GRIK2: variants seen among roughly 807,000 people sequenced by gnomAD.
The protein encoded by GRIK2 is glutamate ionotropic receptor kainate type subunit 2.
GRIK2 carries 32 observed loss-of-function variants against 100.3 expected under a neutral mutation model. The ratio of observed to expected loss-of-function variants is 0.32; its 90% CI spans 0.24 to 0.43. The LOEUF is 0.43. GRIK2 is among the 20% of genes least tolerant of loss of function. The pLI is 1.00. For missense variants in GRIK2, 843 were observed against 1,114.9 expected, an observed-to-expected ratio of 0.76 and a Z score of 3.47; for synonymous variants, 417 against 389.4, an observed-to-expected ratio of 1.07 and a Z score of -0.83.
At chr6:101,832,126 A>G (rs1297853687) in intron 10 of GRIK2, among the ~76,000 whole-genome samples, 1 of 152,084 alleles carries the variant, frequency 6.6e-6, no homozygotes, top group Non-Finnish European at 1.5e-5. Context: ...TAAAGGAATC[A>G]TTTACAAATA....
At chr6:101,542,737 A>G (rs1441114918) in intron 2 of GRIK2, among the ~76,000 whole-genome samples, 1 of 152,236 alleles carries the variant, frequency 6.6e-6, no homozygotes, top group Non-Finnish European at 1.5e-5. Flanking sequence ...TGAGCGTGTA[A>G]GTGATGTCAC....
chr6:101,539,940 A>C (rs757128925), intron 2 of GRIK2, among the ~76,000 whole-genome samples: 1 of 151,856 alleles, frequency 6.6e-6, no homozygotes, highest in Non-Finnish European at 1.5e-5. Flanking sequence ...AAGTTCTTTA[A>C]GATTCATCGA....
chr6:101,778,526 G>A (rs1778886133), intron 7 of GRIK2, among the ~76,000 whole-genome samples: 1 of 152,074 alleles, frequency 6.6e-6, no homozygotes, highest in African/African-American at 2.4e-5. Flanking sequence ...ACCGTGCTTG[G>A]TACAACAGAC....
chr6:101,792,576 C>A (rs577402240), intron 7 of GRIK2, among the ~76,000 whole-genome samples: 2 of 151,900 alleles, frequency 1.3e-5, no homozygotes, highest in African/African-American at 2.4e-5. Flanking sequence ...CCGAGAGATC[C>A]GCTGTTAGTC....
At chr6:101,502,316 G>GAT (rs745986986) in intron 2 of GRIK2, among the ~76,000 whole-genome samples, 62 of 151,914 alleles carry the variant, frequency 4.1e-4, no homozygotes, top group African/African-American at 8.9e-4. Context: ...GGTACAAAAA[G>GAT]ATATATATAT....
intron 14 of GRIK2, among the ~76,000 whole-genome samples, chr6:101,991,286 G>T (rs1434952564): frequency 6.6e-6 from 1 of 151,346 alleles, no homozygotes; most frequent in Non-Finnish European, 1.5e-5. Context: ...TTTCAGAAGT[G>T]AGGAAATTTA....
At chr6:101,898,587 T>TTTA (rs1393559018) in intron 12 of GRIK2, among the ~76,000 whole-genome samples, 15 of 151,952 alleles carry the variant, frequency 9.9e-5, no homozygotes, top group African/African-American at 3.1e-4. Context: ...ACAGGAGACA[T>TTTA]TAGCAACCAA....
chr6:101,541,213 A>T (rs1397892135), intron 2 of GRIK2, among the ~76,000 whole-genome samples: 2 of 152,040 alleles, frequency 1.3e-5, no homozygotes, highest in Non-Finnish European at 2.9e-5. Flanking sequence ...TTAGAAAGGA[A>T]GTTGGTAGGA....
At chr6:101,815,142 G>C (rs888827140) in intron 9 of GRIK2, among the ~76,000 whole-genome samples, 1 of 152,080 alleles carries the variant, frequency 6.6e-6, no homozygotes, top group South Asian at 2.1e-4. Context: ...TTAACAACAA[G>C]GCTATGATGG....
chr6:101,504,384 C>T (rs1478773377), intron 2 of GRIK2, among the ~76,000 whole-genome samples: 2 of 151,814 alleles, frequency 1.3e-5, no homozygotes, highest in Non-Finnish European at 2.9e-5. Context: ...ATAGGAAAGT[C>T]AGAAAAATGC....
In GRIK2 at chr6:101,609,491, G is replaced by C. The variant is rs575616526; in HGVS notation, c.116-12458G>C. Among the ~76,000 whole-genome samples, 53 of 151,892 alleles carry C rather than the reference G, an allele frequency of 3.5e-4. No homozygotes were observed. The South Asian group carries it at 0.011, about 30-fold the overall frequency. Reference sequence around the variant, plus strand: ...TTTAGCAAATACCTGAGGCTTTCTGGATTTCTGGAAGGAACACAGTGTGAT... The same window carrying C: ...TTTAGCAAATACCTGAGGCTTTCTGCATTTCTGGAAGGAACACAGTGTGAT... On this transcript the variant is annotated intron_variant, in intron 2 of 16. Transcript: ENST00000369134.
chr6:101,571,540 G>C (rs1777532512), intron 2 of GRIK2, among the ~76,000 whole-genome samples: 1 of 152,012 alleles, frequency 6.6e-6, no homozygotes, highest in Non-Finnish European at 1.5e-5. Flanking sequence ...AATTGATTCT[G>C]TGCAAGAAAG....
intron 2 of GRIK2, among the ~76,000 whole-genome samples, chr6:101,472,613 G>A (rs895767595): frequency 6.6e-6 from 1 of 151,726 alleles, no homozygotes; most frequent in African/African-American, 2.4e-5. Context: ...AATTCATGAA[G>A]TTTGTGAAGA....
At chr6:102,056,334 A>G (rs1463762685) in intron 16 of GRIK2, among the ~76,000 whole-genome samples, 1 of 152,102 alleles carries the variant, frequency 6.6e-6, no homozygotes, top group East Asian at 1.9e-4. Flanking sequence ...CTAGTGCTAT[A>G]ATTTCCTCAT....
intron 14 of GRIK2, among the ~76,000 whole-genome samples, chr6:101,982,999 G>A (rs1210396330): frequency 6.6e-6 from 1 of 151,766 alleles, no homozygotes; most frequent in African/African-American, 2.4e-5. Context: ...CTAAAAGATG[G>A]AATCCATATA....
chr6:101,775,798 A>T (rs867414331), intron 7 of GRIK2, among the ~76,000 whole-genome samples: 1 of 151,650 alleles, frequency 6.6e-6, no homozygotes, highest in African/African-American at 2.4e-5. Context: ...ATATATGTGT[A>T]TATATATGGA....
intron 7 of GRIK2, among the ~76,000 whole-genome samples, chr6:101,715,206 G>C (rs1773981536): frequency 6.6e-6 from 1 of 151,688 alleles, no homozygotes; most frequent in Non-Finnish European, 1.5e-5. Flanking sequence ...CTTTTTGGTA[G>C]GCACAGGCTA....
In GRIK2 at chr6:101,552,828, C is replaced by G. The variant is rs139431295; in HGVS notation, c.116-69121C>G. On this transcript the variant is annotated intron_variant, in intron 2 of 16. Coordinates refer to ENST00000369134, the MANE Select transcript of GRIK2 (RefSeq NM_021956.5). ...AAGTCTCTTCTGCCACCTGAGGCAT[C>G]CTTTTACTGTTTCATTGGTTTTTAA... Among the ~76,000 whole-genome samples the G allele has an allele frequency of 2.2e-3, 338 of 152,222 alleles. 2 individuals are homozygous for G. The highest frequency in any genetic ancestry group is 7.9e-3 in the African/African-American group (329 of 41,544).
At chr6:101,594,315 G>A (rs62419656) in intron 2 of GRIK2, among the ~76,000 whole-genome samples, 10,666 of 151,712 alleles carry the variant, frequency 0.07, 424 homozygotes, top group South Asian at 0.12. Context: ...CATCTATTCC[G>A]TTGTTATTTA....
Sources: allele counts gnomAD v4.1 joint callset (sites outside exome capture counted in the v4.1 genomes callset), GRCh38; gene constraint gnomAD v4.1.1; transcripts MANE v1.5; gene names NCBI Gene and HGNC (gene_info 2026-07-23, HGNC 2026-07-21).